ANKS1A: variants seen among roughly 807,000 people sequenced by gnomAD.
ANKS1A encodes ankyrin repeat and SAM domain-containing protein 1A.
Under a neutral mutation model 120.3 loss-of-function variants are expected in ANKS1A, and 55 were observed. The observed-to-expected ratio is 0.46, with a 90% CI of 0.37 to 0.57. ANKS1A has a LOEUF of 0.57. ANKS1A is among the 20% of genes least tolerant of loss of function. ANKS1A has a pLI of 0.00. For synonymous variants in ANKS1A, 590 were observed against 604.7 expected, an observed-to-expected ratio of 0.98 and a Z score of 0.36; for missense variants, 1,123 against 1,480.3, an observed-to-expected ratio of 0.76 and a Z score of 3.96.
chr6:34,947,881 A>AGAATTTGGCAAATATAGC (rs1406391559), intron 1 of ANKS1A, among the ~76,000 whole-genome samples: 2 of 152,224 alleles, frequency 1.3e-5, no homozygotes, highest in Non-Finnish European at 2.9e-5. Context: ...AACTAGAAAA[A>AGAATTTGGCAAATATAGC]GAATTTGGCA....
intron 3 of ANKS1A, among the ~76,000 whole-genome samples, chr6:34,970,517 G>A (rs938332164): frequency 6.6e-6 from 1 of 152,198 alleles, no homozygotes; most frequent in African/African-American, 2.4e-5. Flanking sequence ...AGTCCCTTAT[G>A]TAAAACGGCA....
chr6:34,981,171 A>G (rs1380735296), intron 3 of ANKS1A, among the ~76,000 whole-genome samples: 2 of 152,134 alleles, frequency 1.3e-5, no homozygotes, highest in Non-Finnish European at 2.9e-5. Context: ...CTGCTCTGTT[A>G]CTTTTCACTG....
intron 1 of ANKS1A, among the ~76,000 whole-genome samples, chr6:34,922,694 C>CTTTTTT (rs61568974): frequency 1.6e-5 from 2 of 127,854 alleles, no homozygotes; most frequent in East Asian, 2.3e-4. Flanking sequence ...CTGGGCATTT[C>CTTTTTT]TTTTTTTTTT....
intron 11 of ANKS1A, among the ~76,000 whole-genome samples, chr6:35,040,611 G>A (rs897575401): frequency 2.6e-5 from 4 of 152,240 alleles, no homozygotes; most frequent in African/African-American, 9.6e-5. Flanking sequence ...CATGGCCTGA[G>A]CACAAAAGTA....
intron 1 of ANKS1A, among the ~76,000 whole-genome samples, chr6:34,898,509 G>A (rs901803482): frequency 6.6e-6 from 1 of 152,222 alleles, no homozygotes. Context: ...GTCAGGTTTT[G>A]CAGCTAAATG....
intron 1 of ANKS1A, among the ~76,000 whole-genome samples, chr6:34,964,462 C>A (rs1386640092): frequency 1.3e-5 from 2 of 152,098 alleles, no homozygotes; most frequent in East Asian, 3.9e-4. Context: ...CCATTTGCAG[C>A]GGTGTGTATT....
chr6:35,054,157 A>C lies in ANKS1A; in HGVS notation c.2069A>C (p.Lys690Thr). 6.2e-7 allele frequency: 1 copy of C among 1,614,048 alleles called. No homozygotes were observed. Among genetic ancestry groups the C allele is most frequent in the Non-Finnish European group, 8.5e-7 (1 of 1,179,910 alleles). The change falls in exon 12 of 24, where the codon AAG becomes ACG. Residue 690 changes from lysine to threonine, a missense_variant. Physicochemically the swap from Lys to Thr is moderately conservative, Grantham distance 78. This residue lies in a region of ANKS1A where 904 missense variants were observed against 1,130.4 expected (regional missense o/e 0.80). Transcript: ENST00000360359. Reference protein sequence around the residue: ...EGIDFSQERQKISGLRTLEQS... With the variant: ...EGIDFSQERQTISGLRTLEQS... Reference sequence around the variant, plus strand: ...ATTGACTTTTCTCAGGAACGGCAGAAGATCTCAGGTACCGTACTAAGTGGC... The same window carrying C: ...ATTGACTTTTCTCAGGAACGGCAGACGATCTCAGGTACCGTACTAAGTGGC...
chr6:34,941,926 C>T (rs1287203263), intron 1 of ANKS1A, among the ~76,000 whole-genome samples: 2 of 152,142 alleles, frequency 1.3e-5, no homozygotes, highest in Non-Finnish European at 2.9e-5. Context: ...TCCAGCACCT[C>T]TAGGAGCTGT....
Position 35,082,723 on chromosome 6 carries a change from G to A in ANKS1A, c.2742G>A (p.Arg914=). 1 of 1,612,818 alleles carries A rather than the reference G, an allele frequency of 6.2e-7. No individual in the cohort carries two copies. Among genetic ancestry groups the A allele is most frequent in the South Asian group, 1.1e-5 (1 of 90,968 alleles). ...ACCGTGAGGCCAAGCTGACCCTGCG[G>A]CCCCCGAGCCTGGCAGCCCCCTACG... The part of the protein sequence containing the change: ...EEHREAKLTL[R]PPSLAAPYAP... The change falls in exon 18 of 24, where the codon CGG becomes CGA. Residue 914 remains arginine, a synonymous_variant. Transcript: ENST00000360359. The surrounding 1 kb of genome is among the most constrained non-coding windows in gnomAD (Gnocchi z 4.1).
At position 35,044,931 on chromosome 6, in the gene ANKS1A, A is replaced by G. The variant is rs1775644830; in HGVS notation, c.2011-9168A>G. Among the ~76,000 whole-genome samples the G allele has an allele frequency of 6.6e-6, 1 of 152,204 alleles. No homozygotes were observed. Among genetic ancestry groups the G allele is most frequent in the Non-Finnish European group, 1.5e-5 (1 of 68,024 alleles). On this transcript the variant is annotated intron_variant, in intron 11 of 23. Coordinates refer to ENST00000360359, the MANE Select transcript of ANKS1A (RefSeq NM_015245.3). The surrounding 1 kb of genome is among the most constrained non-coding windows in gnomAD (Gnocchi z 4.4). ...TGGCATCTGTGGTTTTACGAGGACT[A>G]CAGATGTTTCCCAGTGTAAGTAAGG...
chr6:34,928,672 C>T (rs1581705118), intron 1 of ANKS1A, among the ~76,000 whole-genome samples: 1 of 152,204 alleles, frequency 6.6e-6, no homozygotes, highest in African/African-American at 2.4e-5. Flanking sequence ...GAAATTGAGG[C>T]ACAGCACAGT....
intron 1 of ANKS1A, among the ~76,000 whole-genome samples, chr6:34,947,146 T>C (rs1769841668): frequency 6.9e-6 from 1 of 145,348 alleles, no homozygotes; most frequent in African/African-American, 2.6e-5. Context: ...TAGACTCTTT[T>C]TTTTTTTTTT....
At chr6:34,976,476 T>C (rs1771591665) in intron 3 of ANKS1A, among the ~76,000 whole-genome samples, 1 of 152,158 alleles carries the variant, frequency 6.6e-6, no homozygotes, top group African/African-American at 2.4e-5. Flanking sequence ...GTCTGAGTCA[T>C]AAAATGAGTA....
intron 13 of ANKS1A, among the ~76,000 whole-genome samples, chr6:35,069,628 C>G (rs557047614): frequency 6.6e-6 from 1 of 151,894 alleles, no homozygotes; most frequent in Non-Finnish European, 1.5e-5. Context: ...GCAGCCCTGA[C>G]CCCCCAGGCT....
chr6:34,983,685 G>T (rs375691748), intron 7 of ANKS1A, among the ~76,000 whole-genome samples: 7 of 152,004 alleles, frequency 4.6e-5, no homozygotes, highest in Non-Finnish European at 8.8e-5. Flanking sequence ...TCTGAGATGT[G>T]TAGTAGAGAG....
At chr6:34,926,830 T>C (rs149764889) in intron 1 of ANKS1A, among the ~76,000 whole-genome samples, 129 of 152,216 alleles carry the variant, frequency 8.5e-4, no homozygotes, top group African/African-American at 3.0e-3. Context: ...AGTGTGCAAC[T>C]TTGGGGCTTG....
In ANKS1A at chr6:35,085,589, G is replaced by A. The variant is rs908008571; in HGVS notation, c.3133-177G>A. 6.8e-6 allele frequency among the ~76,000 whole-genome samples: 1 copy of A among 147,640 alleles called. No homozygotes were observed. Among genetic ancestry groups the A allele is most frequent in the Non-Finnish European group, 1.5e-5 (1 of 66,186 alleles). ...TCCCGGCCACATCCTGTGTAGAGCG[G>A]GAAGAACAACAGAGACCTAGGAAGA... On this transcript the variant is annotated intron_variant, in intron 21 of 23. Transcript: ENST00000360359. The surrounding 1 kb of genome is among the most constrained non-coding windows in gnomAD (Gnocchi z 4.7).
chr6:34,890,961 A>G (rs2127437844), intron 1 of ANKS1A, among the ~76,000 whole-genome samples: 1 of 152,376 alleles, frequency 6.6e-6, no homozygotes, highest in Admixed American at 6.5e-5. Context: ...TTTAAAAAGC[A>G]ATATAAGTAG....
At chr6:34,986,720 C>T (rs143335020) in intron 8 of ANKS1A, among the ~76,000 whole-genome samples, 6 of 152,294 alleles carry the variant, frequency 3.9e-5, no homozygotes, top group Admixed American at 6.5e-5. Flanking sequence ...TGGAAAGGCC[C>T]GCAGTCTAGT....
Sources: allele counts gnomAD v4.1 joint callset (sites outside exome capture counted in the v4.1 genomes callset), GRCh38; gene constraint gnomAD v4.1.1; regional missense constraint gnomAD v4.1.1; non-coding constraint Gnocchi (gnomAD v3.1); transcripts MANE v1.5; gene names NCBI Gene and HGNC (gene_info 2026-07-23, HGNC 2026-07-21).